Variants in ZNF804A observed in about 807,000 individuals in gnomAD.
The protein encoded by ZNF804A is zinc finger protein 804A.
ZNF804A carries 2 observed loss-of-function variants against 16.5 expected under a neutral mutation model. That is an observed-to-expected ratio of 0.12 (90% CI 0.05 to 0.38). The LOEUF is 0.38. ZNF804A is among the 10% of genes least tolerant of loss of function. ZNF804A has a pLI of 0.99. For synonymous variants in ZNF804A, 534 were observed against 489.6 expected, an observed-to-expected ratio of 1.09 and a Z score of -1.20; for missense variants, 1,473 against 1,390.7, an observed-to-expected ratio of 1.06 and a Z score of -0.94.
rs1197281956 is a variant in ZNF804A at position 184,599,037 on chromosome 2, G to A, written c.78G>A (p.Arg26=). The A allele has an allele frequency of 6.2e-7, 1 of 1,614,028 alleles. No homozygotes were observed. The highest frequency in any genetic ancestry group is 1.7e-5 in the Admixed American group (1 of 60,026). ...TTCGCAACATCAAGGGAGTTTTCCG[G>A]GGCCCTCTCAGCAAGAACGGGAACA... The part of the protein sequence containing the change: ...GHFRNIKGVF[R]GPLSKNGNKT... Residue 26 remains arginine, a synonymous_variant, in exon 1 of 4, where the codon CGG becomes CGA. Transcript: ENST00000302277.
intron 1 of ZNF804A, among the ~76,000 whole-genome samples, chr2:184,747,900 C>G (rs959944166): frequency 5.3e-5 from 8 of 151,244 alleles, no homozygotes; most frequent in South Asian, 2.1e-4. Flanking sequence ...TAAGAACATG[C>G]AGTATTTGGT....
chr2:184,829,586 C>G (rs1695225632), intron 1 of ZNF804A, among the ~76,000 whole-genome samples: 1 of 151,512 alleles, frequency 6.6e-6, no homozygotes, highest in African/African-American at 2.4e-5. Context: ...AACTTACGGG[C>G]AAAAGAAAAT....
chr2:184,802,594 C>T (rs1368271204), intron 1 of ZNF804A, among the ~76,000 whole-genome samples: 2 of 152,194 alleles, frequency 1.3e-5, no homozygotes, highest in Non-Finnish European at 2.9e-5. Flanking sequence ...TCAACTGTGA[C>T]TCTCTGAGAT....
chr2:184,792,860 T>C (rs1030650619), intron 1 of ZNF804A, among the ~76,000 whole-genome samples: 3 of 152,120 alleles, frequency 2.0e-5, no homozygotes, highest in Non-Finnish European at 4.4e-5. Context: ...GTTTGTAGTA[T>C]GGATCCCGTC....
intron 1 of ZNF804A, among the ~76,000 whole-genome samples, chr2:184,794,442 C>A (rs968220472): frequency 5.9e-5 from 9 of 151,678 alleles, no homozygotes; most frequent in African/African-American, 9.7e-5. Flanking sequence ...CTTGCTAATT[C>A]GTTTGAGTTC....
intron 1 of ZNF804A, among the ~76,000 whole-genome samples, chr2:184,728,952 A>G (rs577775873): frequency 1.3e-3 from 196 of 152,074 alleles, no homozygotes; most frequent in Non-Finnish European, 2.0e-3. Context: ...AAAAACAAAT[A>G]CTGAATGATT....
intron 1 of ZNF804A, among the ~76,000 whole-genome samples, chr2:184,760,975 C>T (rs951907406): frequency 1.3e-5 from 2 of 152,078 alleles, no homozygotes; most frequent in Non-Finnish European, 2.9e-5. Flanking sequence ...ATTTAACTTG[C>T]ATTTAATTTC....
chr2:184,807,066 A>G (rs1338975640), intron 1 of ZNF804A, among the ~76,000 whole-genome samples: 1 of 151,714 alleles, frequency 6.6e-6, no homozygotes, highest in Non-Finnish European at 1.5e-5. Flanking sequence ...CCCCTGTCCA[A>G]CTTGGCATAG....
chr2:184,826,458 A>G (rs1296992313), intron 1 of ZNF804A, among the ~76,000 whole-genome samples: 1 of 152,140 alleles, frequency 6.6e-6, no homozygotes, highest in Non-Finnish European at 1.5e-5. Flanking sequence ...AATTTCATGG[A>G]AATTAGTGAA....
At chr2:184,935,033 G>C (rs1351291147) in intron 3 of ZNF804A, among the ~76,000 whole-genome samples, 2 of 152,074 alleles carry the variant, frequency 1.3e-5, no homozygotes, top group Non-Finnish European at 2.9e-5. Context: ...GTTCTGCTAA[G>C]GATAAGGTTT....
chr2:184,890,044 G>T (rs1311971327), intron 2 of ZNF804A, among the ~76,000 whole-genome samples: 1 of 152,032 alleles, frequency 6.6e-6, no homozygotes, highest in Non-Finnish European at 1.5e-5. Flanking sequence ...ATGTGGAGAG[G>T]TTGATACCAC....
intron 1 of ZNF804A, among the ~76,000 whole-genome samples, chr2:184,821,591 C>T (rs1028184326): frequency 2.0e-4 from 31 of 152,044 alleles, no homozygotes; most frequent in African/African-American, 7.5e-4. Context: ...AGAGTTTCTG[C>T]ACAGCAAAGG....
intron 1 of ZNF804A, among the ~76,000 whole-genome samples, chr2:184,670,059 T>C (rs890907700): frequency 6.6e-6 from 1 of 152,180 alleles, no homozygotes; most frequent in Non-Finnish European, 1.5e-5. Context: ...AAATTCTAGC[T>C]TAACACTTAT....
At chr2:184,792,245 T>C (rs1282842369) in intron 1 of ZNF804A, among the ~76,000 whole-genome samples, 1 of 152,172 alleles carries the variant, frequency 6.6e-6, no homozygotes, top group African/African-American at 2.4e-5. Flanking sequence ...CACTGAACTG[T>C]TTCTTCAATC....
At chr2:184,754,241 G>A (rs1320949102) in intron 1 of ZNF804A, among the ~76,000 whole-genome samples, 1 of 151,864 alleles carries the variant, frequency 6.6e-6, no homozygotes, top group Non-Finnish European at 1.5e-5. Context: ...ATATTGTGCA[G>A]TTTAGTTATA....
intron 2 of ZNF804A, among the ~76,000 whole-genome samples, chr2:184,890,230 G>A (rs913769878): frequency 1.6e-4 from 24 of 152,244 alleles, no homozygotes; most frequent in African/African-American, 4.6e-4. Context: ...TTACTGTGTT[G>A]CCTTATTCAA....
chr2:184,861,839 G>T (rs180883012), intron 1 of ZNF804A, among the ~76,000 whole-genome samples: 17 of 152,134 alleles, frequency 1.1e-4, no homozygotes, highest in African/African-American at 4.1e-4. Flanking sequence ...ATTTCACTTC[G>T]CTGTCTACAA....
chr2:184,855,601 C>CATAT (rs3992047), intron 1 of ZNF804A, among the ~76,000 whole-genome samples: 52 of 147,344 alleles, frequency 3.5e-4, no homozygotes, highest in Admixed American at 7.4e-4. Context: ...TACACATACA[C>CATAT]ATATATATAT....
intron 1 of ZNF804A, among the ~76,000 whole-genome samples, chr2:184,711,905 G>T (rs767733183): frequency 6.6e-6 from 1 of 151,508 alleles, no homozygotes; most frequent in Non-Finnish European, 1.5e-5. Flanking sequence ...TTTGAAATTC[G>T]GAATTGTAAT....
Sources: gnomAD v4.1 joint callset for allele counts (sites outside exome capture counted in the v4.1 genomes callset) on GRCh38, gnomAD v4.1.1 for gene constraint, MANE v1.5 for transcripts, NCBI Gene and HGNC (gene_info 2026-07-23, HGNC 2026-07-21) for gene names.